ZC3H12B: variants seen among roughly 807,000 people sequenced by gnomAD.
ZC3H12B encodes the protein probable ribonuclease ZC3H12B.
Under a neutral mutation model 43.9 loss-of-function variants are expected in ZC3H12B, and 7 were observed. The ratio of observed to expected loss-of-function variants is 0.16; its 90% confidence interval spans 0.09 to 0.30. The LOEUF is 0.30. Ranked by LOEUF, ZC3H12B falls within the 10% of genes least tolerant of loss-of-function variation. The pLI is 1.00. For synonymous variants in ZC3H12B, 222 were observed against 241.7 expected (o/e 0.92, Z 0.76); for missense variants, 475 against 670.2 (o/e 0.71, Z 3.22).
chrX:65,451,353 A>G (rs1210317484), intron 3 of ZC3H12B, among the ~76,000 whole-genome samples: 3 of 111,372 alleles, frequency 2.7e-5, no homozygotes. Flanking sequence ...CAAGTAGTGT[A>G]TGGAACTTCT....
At chrX:65,396,464 G>T (rs772614746) in intron 2 of ZC3H12B, among the ~76,000 whole-genome samples, 2 of 111,910 alleles carry the variant, frequency 1.8e-5, no homozygotes, top group Non-Finnish European at 3.8e-5. Context: ...GAAGCAGGTT[G>T]TTCAGTTTCC....
At chrX:65,098,292 T>C in the ZC3H12B span, among the ~76,000 whole-genome samples, 16 of 110,003 alleles carry the variant, frequency 1.5e-4, no homozygotes, top group Admixed American at 5.8e-4. Context: ...ATAATGTTAT[T>C]GTGTCAAATA....
chrX:65,246,089 A>G, the ZC3H12B span, among the ~76,000 whole-genome samples: 3 of 111,611 alleles, frequency 2.7e-5, no homozygotes, highest in Admixed American at 9.5e-5. Flanking sequence ...TCAATGTGCA[A>G]AAATCACTAG....
chrX:65,093,315 T>C, the ZC3H12B span, among the ~76,000 whole-genome samples: 2 of 111,733 alleles, frequency 1.8e-5, no homozygotes, highest in African/African-American at 3.3e-5. Context: ...AAATGTGAGG[T>C]TGGAGCACCT....
At chrX:65,068,360 T>A in the ZC3H12B span, among the ~76,000 whole-genome samples, 1 of 111,094 alleles carries the variant, frequency 9.0e-6, no homozygotes. Context: ...TTGTTGCTTT[T>A]TATTTTTTGT....
At chrX:65,506,957 C>G (rs1443492606) in exon 5 of ZC3H12B, 2 of 111,055 alleles carry the variant, frequency 1.8e-5, no homozygotes, top group Admixed American at 9.7e-5. Context: ...CTCTCCCTCT[C>G]TCTCTCTCTC....
At chrX:65,296,298 C>A in the ZC3H12B span, among the ~76,000 whole-genome samples, 21 of 110,855 alleles carry the variant, frequency 1.9e-4, 1 homozygote, top group African/African-American at 6.9e-4. Context: ...GATGTGGGAA[C>A]TAAGCTATGA....
the ZC3H12B span, among the ~76,000 whole-genome samples, chrX:65,058,071 C>A: frequency 2.6e-3 from 296 of 112,407 alleles, 3 homozygotes; most frequent in African/African-American, 9.2e-3. Context: ...CTAAAGCTTT[C>A]TTCTCTCAAC....
the ZC3H12B span, among the ~76,000 whole-genome samples, chrX:65,244,151 A>G: frequency 9.0e-6 from 1 of 111,561 alleles, no homozygotes; most frequent in East Asian, 2.8e-4. Flanking sequence ...AAGAAATGAT[A>G]TATGTTTAAG....
At chrX:65,463,727 C>CA (rs1320328252) in intron 3 of ZC3H12B, among the ~76,000 whole-genome samples, 1 of 111,200 alleles carries the variant, frequency 9.0e-6, no homozygotes, top group African/African-American at 3.3e-5. Context: ...CTTTTGTTTT[C>CA]AGTGTCTCCC....
chrX:65,355,042 G>A, the ZC3H12B span, among the ~76,000 whole-genome samples: 1 of 111,897 alleles, frequency 8.9e-6, no homozygotes, highest in Non-Finnish European at 1.9e-5. Flanking sequence ...CACTCTTCAG[G>A]ATGTTATTCA....
the ZC3H12B span, among the ~76,000 whole-genome samples, chrX:65,188,413 A>C: frequency 2.4e-4 from 17 of 70,105 alleles, no homozygotes; most frequent in Non-Finnish European, 4.3e-4. Flanking sequence ...TAGCGGTTTT[A>C]CTAATTTACA....
intron 2 of ZC3H12B, among the ~76,000 whole-genome samples, chrX:65,380,720 G>A (rs1255924126): frequency 6.3e-5 from 7 of 111,470 alleles, no homozygotes; most frequent in Non-Finnish European, 9.4e-5. Context: ...CCCATCTCAC[G>A]GGCAGAGACA....
chrX:65,498,482 G>A (rs2068321922), intron 2 of ZC3H12B, among the ~76,000 whole-genome samples: 1 of 111,708 alleles, frequency 9.0e-6, no homozygotes, highest in African/African-American at 3.3e-5. Context: ...AAGCTTTCTT[G>A]CCTCGGCAAC....
the ZC3H12B span, among the ~76,000 whole-genome samples, chrX:65,214,271 T>A: frequency 1.2e-4 from 13 of 111,515 alleles, no homozygotes; most frequent in Non-Finnish European, 2.1e-4. Context: ...ATCAATGGAC[T>A]TTTCTTTTCA....
the ZC3H12B span, among the ~76,000 whole-genome samples, chrX:65,325,476 C>G: frequency 2.3e-4 from 25 of 110,385 alleles, no homozygotes. Flanking sequence ...AAAAATAAAT[C>G]GAGATAAATT....
chrX:65,374,225 T>C lies in ZC3H12B; in HGVS notation n.295+5227T>C, dbSNP rs192649093. Among the ~76,000 whole-genome samples the C allele has an allele frequency of 7.4e-3, 625 of 84,322 alleles. 8 individuals are homozygous for C. Among genetic ancestry groups the C allele is most frequent in the Admixed American group, 0.038 (246 of 6,535 alleles). 73.2% of individuals were successfully genotyped at this position (84,322 alleles called of 115,157 possible). ...ATTATATATAGTTATATATGTACTC[T>C]ATAGTATAGTAATATATATTATATA... On this transcript the variant is annotated intron_variant and non_coding_transcript_variant, in intron 2 of 5. Transcript: ENST00000617377.
chrX:65,313,403 G>A, the ZC3H12B span, among the ~76,000 whole-genome samples: 1 of 112,214 alleles, frequency 8.9e-6, no homozygotes, highest in Non-Finnish European at 1.9e-5. Context: ...GAGAGCTGAA[G>A]AGTTGATCTC....
At chrX:65,188,795 T>C in the ZC3H12B span, among the ~76,000 whole-genome samples, 2 of 46,921 alleles carry the variant, frequency 4.3e-5, no homozygotes, top group East Asian at 1.7e-3. Flanking sequence ...AGTTCTAAAG[T>C]CTTTAAGTTT....
Sources: gnomAD v4.1 joint callset for allele counts (sites outside exome capture counted in the v4.1 genomes callset) on GRCh38, gnomAD v4.1.1 for gene constraint, MANE v1.5 for transcripts, NCBI Gene and HGNC (gene_info 2026-07-23, HGNC 2026-07-21) for gene names.